Variants in HYDIN observed in about 807,000 individuals in gnomAD.
HYDIN encodes HYDIN axonemal central pair apparatus protein.
In HYDIN, 132 loss-of-function variants were observed where a neutral mutation model predicts 403.9. The ratio of observed to expected loss-of-function variants is 0.33; its 90% CI spans 0.28 to 0.38. The LOEUF is 0.38. Among genes scored for constraint, HYDIN ranks in the 10% least tolerant of loss-of-function variants. The pLI, the probability that HYDIN is intolerant of heterozygous loss-of-function variation, is 1.00. For synonymous variants in HYDIN, 1,202 were observed against 1,891.7 expected (o/e 0.64, Z 9.46); for missense variants, 2,827 against 5,009.5 (o/e 0.56, Z 13.15).
At chr16:71,222,115 GC>G (rs1445084649) in intron 1 of HYDIN, among the ~76,000 whole-genome samples, 1 of 152,100 alleles carries the variant, frequency 6.6e-6, no homozygotes, top group African/African-American at 2.4e-5. Context: ...GCTGCCCACA[GC>G]ACACCAAAAG....
At chr16:70,993,551 T>C (rs528138000) in intron 23 of HYDIN, among the ~76,000 whole-genome samples, 2 of 152,110 alleles carry the variant, frequency 1.3e-5, no homozygotes, top group Admixed American at 1.3e-4. Context: ...TATTCCATAG[T>C]GTGGATGTTT....
intron 38 of HYDIN, 148 bp from the exon 39 acceptor site, chr16:70,959,968 T>C (rs576527449): frequency 1.7e-5 from 11 of 645,864 alleles, no homozygotes; most frequent in South Asian, 4.1e-5. Flanking sequence ...TCCCCACTTG[T>C]AGTGTACGAC....
chr16:70,957,723 G>GGAATTAATAGCA (rs750496800), intron 39 of HYDIN, among the ~76,000 whole-genome samples: 60,196 of 129,454 alleles, frequency 0.46, 16,150 homozygotes, highest in African/African-American at 0.73. Context: ...TCCACCTTTT[G>GGAATTAATAGCA]GCTATTGTGA....
At chr16:70,875,760 C>A (rs1774314) in intron 62 of HYDIN, among the ~76,000 whole-genome samples, 1 of 143,724 alleles carries the variant, frequency 7.0e-6, no homozygotes, top group Non-Finnish European at 1.5e-5. Flanking sequence ...AAGCAGAAAT[C>A]CTACCAGATT....
At chr16:70,915,869 C>T (rs2076824440) in intron 47 of HYDIN, among the ~76,000 whole-genome samples, 2 of 150,830 alleles carry the variant, frequency 1.3e-5, no homozygotes, top group Admixed American at 6.6e-5. Context: ...GAGTTATGTA[C>T]CTAGGAGGAT....
At chr16:71,177,017 G>A (rs1477830127) in intron 4 of HYDIN, among the ~76,000 whole-genome samples, 2 of 152,230 alleles carry the variant, frequency 1.3e-5, no homozygotes, top group Non-Finnish European at 2.9e-5. Context: ...TGAGGGTCCT[G>A]GAGTCACCAG....
chr16:70,849,155 G>T (rs1445274481), intron 75 of HYDIN, among the ~76,000 whole-genome samples: 1 of 152,094 alleles, frequency 6.6e-6, no homozygotes, highest in South Asian at 2.1e-4. Flanking sequence ...CCAAATTGTT[G>T]GTTTTCAAGG....
intron 1 of HYDIN, among the ~76,000 whole-genome samples, chr16:71,227,264 T>C (rs1049778212): frequency 6.6e-6 from 1 of 152,024 alleles, no homozygotes; most frequent in African/African-American, 2.4e-5. Flanking sequence ...AGTAAGCATG[T>C]TATTCAACAT....
intron 1 of HYDIN, among the ~76,000 whole-genome samples, chr16:71,223,406 ATTGGCT>A (rs1380480208): frequency 2.0e-5 from 3 of 152,192 alleles, no homozygotes; most frequent in Non-Finnish European, 4.4e-5. Flanking sequence ...TTCTTCTGGC[ATTGGCT>A]TAGGCAGAAA....
chr16:70,943,925 C>T lies in HYDIN; in HGVS notation c.6556G>A (p.Gly2186Arg). 1 of 1,612,010 alleles carries T rather than the reference C, an allele frequency of 6.2e-7. No homozygotes were observed. Among genetic ancestry groups the T allele is most frequent in the Non-Finnish European group, 8.5e-7 (1 of 1,179,342 alleles). Residue 2186 changes from glycine to arginine, a missense_variant, in exon 42 of 86, where the codon GGG (glycine) becomes AGG (arginine). Transcript: ENST00000393567. ...ACACTGAGCCAGCGGTGGATGGGCCCCGGGGGGAGAGGGCTGGAGGAAATC... is the reference window on the plus strand; with the variant it reads ...ACACTGAGCCAGCGGTGGATGGGCCTCGGGGGGAGAGGGCTGGAGGAAATC... The part of the protein sequence containing the change: ...PQISSSPLPP[G>R]PIHRWLSVSP...
At position 70,837,878 on chromosome 16, in the gene HYDIN, G is replaced by A; in HGVS notation, c.13054C>T (p.Leu4352=). The A allele has an allele frequency of 6.2e-7, 1 of 1,613,644 alleles. No homozygotes were observed. The highest frequency in any genetic ancestry group is 8.5e-7 in the Non-Finnish European group (1 of 1,179,652). The change falls in exon 77 of 86, where the codon CTG becomes TTG. Residue 4352 remains leucine (L), a synonymous_variant. Transcript: ENST00000393567. Reference sequence around the variant, plus strand: ...TCGAGGTGAGTGGTGTTGGTGTACAGACAATCTATGCTGCAGAAAATCAAG... The same window carrying A: ...TCGAGGTGAGTGGTGTTGGTGTACAAACAATCTATGCTGCAGAAAATCAAG... ...KEETPMSIDC[L]YTNTTHLEVN...
At chr16:71,078,970 T>C (rs937355467) in intron 13 of HYDIN, among the ~76,000 whole-genome samples, 1 of 152,218 alleles carries the variant, frequency 6.6e-6, no homozygotes, top group African/African-American at 2.4e-5. Context: ...TGCAGCTTGG[T>C]TGTGGCCACA....
At chr16:70,845,878 G>A (rs1428140616) in intron 75 of HYDIN, among the ~76,000 whole-genome samples, 9 of 141,854 alleles carry the variant, frequency 6.3e-5, no homozygotes, top group East Asian at 2.0e-4. Context: ...CTGTGGGATC[G>A]GTGGTGATAT....
chr16:70,886,130 T>C (rs1384537983), intron 58 of HYDIN, among the ~76,000 whole-genome samples: 1 of 151,476 alleles, frequency 6.6e-6, no homozygotes, highest in Non-Finnish European at 1.5e-5. Context: ...GTGATTCTGA[T>C]ACACAAATCA....
intron 58 of HYDIN, among the ~76,000 whole-genome samples, chr16:70,886,819 T>G (rs188984814): frequency 1.5e-4 from 23 of 152,302 alleles, no homozygotes; most frequent in African/African-American, 5.3e-4. Context: ...TGTTCAAGAT[T>G]TTTTTTTCTT....
intron 77 of HYDIN, among the ~76,000 whole-genome samples, chr16:70,836,614 C>G (rs2037442754): frequency 1.3e-5 from 2 of 152,224 alleles, no homozygotes; most frequent in Non-Finnish European, 2.9e-5. Context: ...CCAGGCTGAG[C>G]CTGCCCTCCA....
At chr16:70,841,099 A>C (rs2037788761) in intron 75 of HYDIN, among the ~76,000 whole-genome samples, 2 of 151,732 alleles carry the variant, frequency 1.3e-5, no homozygotes, top group Admixed American at 1.3e-4. Flanking sequence ...AAGCTATCAT[A>C]AACAACTTTA....
intron 12 of HYDIN, among the ~76,000 whole-genome samples, chr16:71,083,801 G>C (rs925262355): frequency 6.5e-4 from 96 of 147,780 alleles, no homozygotes; most frequent in African/African-American, 2.2e-3. Context: ...TTTGTCCAGT[G>C]TATCGATGCT....
chr16:71,230,431 G>A, intron 1 of HYDIN, 131 bp downstream of exon 1: 1 of 1,086,444 alleles, frequency 9.2e-7, no homozygotes, highest in East Asian at 2.8e-5. Context: ...AGGCTGAGGA[G>A]GGGAGGGGTC....
Sources: gnomAD v4.1 joint callset for allele counts (sites outside exome capture counted in the v4.1 genomes callset) on GRCh38, gnomAD v4.1.1 for gene constraint, MANE v1.5 for transcripts, NCBI Gene and HGNC (gene_info 2026-07-23, HGNC 2026-07-21) for gene names.